FNDC3B: variants seen among roughly 807,000 people sequenced by gnomAD.
FNDC3B encodes fibronectin type III domain-containing protein 3B.
Under a neutral mutation model 151.5 loss-of-function variants are expected in FNDC3B, and 12 were observed. The ratio of observed to expected loss-of-function variants is 0.08; its 90% CI spans 0.05 to 0.13. The LOEUF is 0.13. Among genes scored for constraint, FNDC3B ranks in the 10% least tolerant of loss-of-function variants. FNDC3B has a pLI of 1.00. For synonymous variants in FNDC3B, 528 were observed against 549.0 expected (o/e 0.96, Z 0.54); for missense variants, 1,214 against 1,505.3 (o/e 0.81, Z 3.20).
chr3:172,097,252 C>T (rs1719137881), intron 1 of FNDC3B, among the ~76,000 whole-genome samples: 1 of 152,110 alleles, frequency 6.6e-6, no homozygotes, highest in South Asian at 2.1e-4. Flanking sequence ...TTGGGTTGGT[C>T]CTAGTGAGCA....
At position 172,156,439 on chromosome 3, in the gene FNDC3B, A is replaced by C. The variant is rs556783425; in HGVS notation, c.187+22893A>C. Among the ~76,000 whole-genome samples the C allele has an allele frequency of 5.3e-5, 8 of 152,314 alleles. No individual in the cohort carries two copies. The South Asian group carries it at 1.7e-3, about 32-fold the overall frequency. The stretch of plus-strand genomic sequence containing the variant: ...GATGGAGGCAAGAGGAAGTGTGCGC[A>C]AGACATAGCCAGGCAGGTTGCTGCC... On this transcript the variant is annotated intron_variant, in intron 3 of 25. Transcript: ENST00000415807.
chr3:172,203,338 G>C (rs375496863), intron 3 of FNDC3B, among the ~76,000 whole-genome samples: 2 of 152,178 alleles, frequency 1.3e-5, no homozygotes, highest in African/African-American at 4.8e-5. Context: ...AGGAGCAAGT[G>C]GTCAGATAGC....
chr3:172,153,220 GAGA>G (rs761203349), intron 3 of FNDC3B, among the ~76,000 whole-genome samples: 13 of 152,320 alleles, frequency 8.5e-5, no homozygotes, highest in African/African-American at 2.2e-4. Flanking sequence ...CTAAGAAAAG[GAGA>G]AGAAGAGAAA....
chr3:172,385,036 A>G (rs1235416128), intron 25 of FNDC3B, among the ~76,000 whole-genome samples: 1 of 151,878 alleles, frequency 6.6e-6, no homozygotes, highest in Non-Finnish European at 1.5e-5. Flanking sequence ...GTACATGAAA[A>G]GCCACAGTTG....
At chr3:172,357,182 A>G (rs1734136691) in intron 22 of FNDC3B, among the ~76,000 whole-genome samples, 1 of 152,192 alleles carries the variant, frequency 6.6e-6, no homozygotes, top group Non-Finnish European at 1.5e-5. Context: ...AATCAATAAT[A>G]TTAGTATATT....
chr3:172,373,349 G>T (rs1466473797), intron 23 of FNDC3B, among the ~76,000 whole-genome samples: 1 of 152,130 alleles, frequency 6.6e-6, no homozygotes, highest in Non-Finnish European at 1.5e-5. Context: ...TTGCCTTCTG[G>T]CTGTGGTGTG....
intron 6 of FNDC3B, among the ~76,000 whole-genome samples, chr3:172,265,211 C>A (rs979453204): frequency 1.4e-4 from 21 of 152,276 alleles, no homozygotes; most frequent in African/African-American, 4.8e-4. Context: ...ATATTCCACA[C>A]ATCAATATGA....
intron 23 of FNDC3B, among the ~76,000 whole-genome samples, chr3:172,377,531 G>A (rs1411386318): frequency 6.6e-6 from 1 of 152,164 alleles, no homozygotes; most frequent in Non-Finnish European, 1.5e-5. Flanking sequence ...TTATCTGTGT[G>A]CCTGTTATGC....
chr3:172,249,974 T>C (rs891368103), intron 5 of FNDC3B, among the ~76,000 whole-genome samples: 2 of 148,382 alleles, frequency 1.3e-5, no homozygotes. Flanking sequence ...ATTATTGATA[T>C]TCCTTCCTTT....
At chr3:172,280,699 G>GA (rs1215805463) in intron 6 of FNDC3B, among the ~76,000 whole-genome samples, 25 of 151,136 alleles carry the variant, frequency 1.7e-4, no homozygotes, top group African/African-American at 6.2e-4. Context: ...TTCTAAGAAG[G>GA]AAAAAATGTG....
chr3:172,286,043 T>C, intron 7 of FNDC3B, 59 bp downstream of exon 7: 1 of 745,020 alleles, frequency 1.3e-6, no homozygotes. Context: ...CAAATGTGCT[T>C]TTTTTTTTTT....
chr3:172,097,531 TATATC>T (rs1398859371), intron 1 of FNDC3B, among the ~76,000 whole-genome samples: 5 of 152,242 alleles, frequency 3.3e-5, no homozygotes, highest in South Asian at 4.1e-4. Flanking sequence ...AAAGTTAACT[TATATC>T]ATTATACAAA....
chr3:172,068,032 G>A (rs1260334485), intron 1 of FNDC3B, among the ~76,000 whole-genome samples: 1 of 152,164 alleles, frequency 6.6e-6, no homozygotes, highest in East Asian at 1.9e-4. Flanking sequence ...GTCACAGGGC[G>A]ACTGCCTTGC....
chr3:172,175,301 G>A (rs775783386), intron 3 of FNDC3B, among the ~76,000 whole-genome samples: 2 of 152,026 alleles, frequency 1.3e-5, no homozygotes, highest in Non-Finnish European at 2.9e-5. Context: ...GTAGAGAAAG[G>A]GGTTTCCTGA....
chr3:172,196,198 T>A (rs1724819105), intron 3 of FNDC3B, among the ~76,000 whole-genome samples: 1 of 152,156 alleles, frequency 6.6e-6, no homozygotes, highest in Non-Finnish European at 1.5e-5. Flanking sequence ...TGTAAAAACA[T>A]TTTTTTAGAC....
At chr3:172,194,219 C>CA (rs529754937) in intron 3 of FNDC3B, among the ~76,000 whole-genome samples, 2,394 of 144,962 alleles carry the variant, frequency 0.017, 25 homozygotes, top group Non-Finnish European at 0.019. Flanking sequence ...GACTCCATCT[C>CA]AAAAAAAAAA....
chr3:172,274,287 T>C (rs989625148), intron 6 of FNDC3B, among the ~76,000 whole-genome samples: 1 of 152,232 alleles, frequency 6.6e-6, no homozygotes, highest in Non-Finnish European at 1.5e-5. Flanking sequence ...TATTTTATCC[T>C]GAACCAAGTA....
At chr3:172,265,298 GTTT>G (rs1007461340) in intron 6 of FNDC3B, among the ~76,000 whole-genome samples, 36 of 152,074 alleles carry the variant, frequency 2.4e-4, no homozygotes, top group African/African-American at 7.7e-4. Context: ...AATTTGTTTT[GTTT>G]TTACTTTCAG....
At chr3:172,238,643 T>G (rs1037703315) in intron 4 of FNDC3B, among the ~76,000 whole-genome samples, 3 of 152,202 alleles carry the variant, frequency 2.0e-5, no homozygotes, top group Non-Finnish European at 4.4e-5. Flanking sequence ...GGTACAGACC[T>G]TACGTTTCAA....
Sources: gnomAD v4.1 joint callset for allele counts (sites outside exome capture counted in the v4.1 genomes callset) on GRCh38, gnomAD v4.1.1 for gene constraint, MANE v1.5 for transcripts, NCBI Gene and HGNC (gene_info 2026-07-23, HGNC 2026-07-21) for gene names.